The following FOSL2 variants were observed in gnomAD, a reference collection of about 807,000 sequenced individuals.
The protein encoded by FOSL2 is fos-related antigen 2.
Under a neutral mutation model 27.7 loss-of-function variants are expected in FOSL2, and 3 were observed. The ratio of observed to expected loss-of-function variants is 0.11; its 90% confidence interval spans 0.05 to 0.28. The LOEUF is 0.28. FOSL2 is among the 10% of genes least tolerant of loss of function. The pLI, the probability that FOSL2 is intolerant of heterozygous loss-of-function variation, is 1.00. For missense variants in FOSL2, 333 were observed against 445.1 expected (o/e 0.75, Z 2.27); for synonymous variants, 179 against 190.1 (o/e 0.94, Z 0.48).
At position 28,404,287 on chromosome 2, in the gene FOSL2, A is replaced by C. The variant is rs1297111753; in HGVS notation, c.283A>C (p.Met95Leu). ...GGGCCTGGCCTCTGTCCCTGGACAC[A>C]TGGCCCTCCCAAGACCTGGCGTGAT... ...LPGLASVPGH[M>L]ALPRPGVIKT... is the part of the protein sequence containing the mutation. Residue 95 changes from methionine (M) to leucine (L), a missense_variant, in exon 2 of 4, where the codon ATG (methionine) becomes CTG (leucine). This residue lies in a region of FOSL2 where 131 missense variants were observed against 157.9 expected (regional missense o/e 0.83). Coordinates refer to ENST00000264716, the MANE Select transcript of FOSL2 (RefSeq NM_005253.4). The surrounding 1 kb of genome is among the most constrained non-coding windows in gnomAD (Gnocchi z 4.7). The C allele has an allele frequency of 6.2e-7, 1 of 1,614,130 alleles. No individual in the cohort carries two copies. The highest frequency in any genetic ancestry group is 2.2e-5 in the East Asian group (1 of 44,874).
chr2:28,403,191 G>A (rs1269984229), intron 1 of FOSL2, among the ~76,000 whole-genome samples: 1 of 152,076 alleles, frequency 6.6e-6, no homozygotes, highest in Admixed American at 6.5e-5. Flanking sequence ...CTTGGAGAAA[G>A]GTCAGGACCA....
chr2:28,395,070 G>A (rs1203351701), intron 1 of FOSL2, among the ~76,000 whole-genome samples: 2 of 152,142 alleles, frequency 1.3e-5, no homozygotes, highest in African/African-American at 4.8e-5. Context: ...TCTTCCCTCT[G>A]CCTCCCATGG....
intron 1 of FOSL2, among the ~76,000 whole-genome samples, chr2:28,396,524 G>A (rs1663840412): frequency 1.3e-5 from 2 of 151,768 alleles, no homozygotes; most frequent in African/African-American, 4.8e-5. Flanking sequence ...TATATGCCCT[G>A]CCTGGCTGCT....
chr2:28,409,094 A>G (rs901390470), intron 3 of FOSL2, among the ~76,000 whole-genome samples: 1 of 152,242 alleles, frequency 6.6e-6, no homozygotes, highest in Admixed American at 6.5e-5. Context: ...CCCAGAGGGA[A>G]GAAATGAACA....
chr2:28,396,340 C>G (rs1558564310), intron 1 of FOSL2, among the ~76,000 whole-genome samples: 1 of 152,104 alleles, frequency 6.6e-6, no homozygotes, highest in Non-Finnish European at 1.5e-5. Flanking sequence ...TTATATATGG[C>G]AGGAACTTGA....
rs2148103734 is a variant in FOSL2 at position 28,413,898 on chromosome 2, C to T, written c.*1450C>T. 1 of 398,588 alleles carries T rather than the reference C, an allele frequency of 2.5e-6. No individual in the cohort carries two copies. The highest frequency in any genetic ancestry group is 2.1e-5 in the African/African-American group (1 of 48,758). The allele number at this position is 398,588 out of a possible 1,614,324, so 24.7% of individuals were successfully genotyped here. A position where few individuals can be genotyped will look rare whatever the true frequency, so the allele number is the denominator to read the frequency against. ...ATTGGAGATAGGATGTTTTGCTTCC[C>T]ACTGCAGGAGAGCTGCCCCCTTTCA... On this transcript the variant is annotated 3_prime_UTR_variant, in exon 4 of 4. Transcript: ENST00000264716.
At chr2:28,405,927 G>A (rs949217043) in intron 2 of FOSL2, among the ~76,000 whole-genome samples, 6 of 152,092 alleles carry the variant, frequency 3.9e-5, no homozygotes, top group African/African-American at 1.4e-4. Context: ...TATACTCACT[G>A]ATGAGCTGGA....
Position 28,393,015 on chromosome 2 carries a change from G to A in FOSL2, c.-706G>A, listed in dbSNP as rs2148072439. The A allele has an allele frequency of 1.6e-6, 1 of 620,794 alleles. No homozygotes were observed. The highest frequency in any genetic ancestry group is 1.8e-5 in the African/African-American group (1 of 54,286). The allele number at this position is 620,794 out of a possible 1,614,324, so 38.5% of individuals were successfully genotyped here. A position where few individuals can be genotyped will look rare whatever the true frequency, so the allele number is the denominator to read the frequency against. On this transcript the variant is annotated 5_prime_UTR_variant, in exon 1 of 4. Coordinates refer to ENST00000264716, the MANE Select transcript of FOSL2 (RefSeq NM_005253.4). The surrounding 1 kb of genome is among the most constrained non-coding windows in gnomAD (Gnocchi z 4.6). ...GGGCCCGTCCGGGAGCGGGCTCCGGGGAAGGGGTGCGGGTCTGGGCGCCGG... is the reference window on the plus strand; with the variant it reads ...GGGCCCGTCCGGGAGCGGGCTCCGGAGAAGGGGTGCGGGTCTGGGCGCCGG...
At position 28,393,421 on chromosome 2, in the gene FOSL2, G is replaced by A; in HGVS notation, c.-300G>A. The A allele has an allele frequency of 2.9e-6, 1 of 347,678 alleles. No homozygotes were observed. Among genetic ancestry groups the A allele is most frequent in the Non-Finnish European group, 5.2e-6 (1 of 190,782 alleles). The allele number at this position is 347,678 out of a possible 1,614,324, so 21.5% of individuals were successfully genotyped here. A position where few individuals can be genotyped will look rare whatever the true frequency, so the allele number is the denominator to read the frequency against. ...TGCGCGCGGGGGCGGGAGGGCGCGC[G>A]CAGGGGAGGGACCGAGAGACGCGCC... is the stretch of plus-strand genomic sequence containing the variant. On this transcript the variant is annotated 5_prime_UTR_variant, in exon 1 of 4. Transcript: ENST00000264716. This position sits in a 1 kb window ranked among gnomAD's most constrained non-coding sequence, Gnocchi z 4.6.
intron 1 of FOSL2, chr2:28,396,815 C>CACACACACACAA (rs1204268837): frequency 7.9e-5 from 12 of 151,744 alleles, no homozygotes; most frequent in African/African-American, 2.4e-4. Context: ...CACACACACA[C>CACACACACACAA]ACACACACAC....
Position 28,408,289 on chromosome 2 carries a change from T to A in FOSL2, c.355-470T>A, listed in dbSNP as rs1362379327. ...GCCCAGCTACTTAACAAAATGGGGATAATGAGGCTTGCAGAGCAGGCAGAG... is the reference window on the plus strand; with the variant it reads ...GCCCAGCTACTTAACAAAATGGGGAAAATGAGGCTTGCAGAGCAGGCAGAG... On this transcript the variant is annotated intron_variant, in intron 2 of 3. Transcript: ENST00000264716. This position sits in a 1 kb window ranked among gnomAD's most constrained non-coding sequence, Gnocchi z 4.1. Among the ~76,000 whole-genome samples the A allele has an allele frequency of 1.3e-5, 2 of 152,164 alleles. No individual in the cohort carries two copies. Among genetic ancestry groups the A allele is most frequent in the Non-Finnish European group, 1.5e-5 (1 of 68,038 alleles).
At chr2:28,403,997 A>G in intron 1 of FOSL2, 110 bp from the exon 2 acceptor site, 1 of 1,342,684 alleles carries the variant, frequency 7.4e-7, no homozygotes, top group Non-Finnish European at 1.0e-6. Context: ...CCCTTCGAAC[A>G]CTGACTGTGC....
Position 28,416,610 on chromosome 2 carries a change from A to C in FOSL2, c.*4162A>C, listed in dbSNP as rs968927868. ...GGACAGTGGTCGCCAAGACATCTAC[A>C]TTGTAAGAGAACACAGTGGAAGATC... On this transcript the variant is annotated 3_prime_UTR_variant, in exon 4 of 4. Coordinates refer to ENST00000264716, the MANE Select transcript of FOSL2 (RefSeq NM_005253.4). 1 of 152,090 alleles carries C rather than the reference A, an allele frequency of 6.6e-6. No homozygotes were observed. Among genetic ancestry groups the C allele is most frequent in the Admixed American group, 6.5e-5 (1 of 15,274 alleles). 9.4% of individuals were successfully genotyped at this position (152,090 alleles called of 1,614,324 possible).
Position 28,393,736 on chromosome 2 carries a change from C to G in FOSL2, c.16C>G (p.Pro6Ala). The stretch of plus-strand genomic sequence containing the variant: ...ACCGCGGATCATGTACCAGGATTAT[C>G]CCGGGAACTTTGACACCTCGTCCCG... MYQDY[P>A]GNFDTSSRGS... The change falls in exon 1 of 4, where the codon CCC becomes GCC. Residue 6 changes from proline to alanine, a missense_variant. This residue lies in a region of FOSL2 where 131 missense variants were observed against 157.9 expected (regional missense o/e 0.83). Transcript: ENST00000264716. This position sits in a 1 kb window ranked among gnomAD's most constrained non-coding sequence, Gnocchi z 4.6. The G allele has an allele frequency of 6.2e-7, 1 of 1,610,074 alleles. No homozygotes were observed. Among genetic ancestry groups the G allele is most frequent in the East Asian group, 2.2e-5 (1 of 44,626 alleles).
chr2:28,404,443 G>T lies in FOSL2; in HGVS notation c.354+85G>T. 1 of 1,496,756 alleles carries T rather than the reference G, an allele frequency of 6.7e-7. No individual in the cohort carries two copies. Among genetic ancestry groups the T allele is most frequent in the South Asian group, 1.3e-5 (1 of 77,776 alleles). 92.7% of individuals were successfully genotyped at this position (1,496,756 alleles called of 1,614,324 possible). ...AGAACGGGTTTCTGCAGACTGGGAGGGTTAATGTTCTGAGAGCAGGGGAGA... is the reference window on the plus strand; with the variant it reads ...AGAACGGGTTTCTGCAGACTGGGAGTGTTAATGTTCTGAGAGCAGGGGAGA... On this transcript the variant is annotated intron_variant, in intron 2 of 3. Transcript: ENST00000264716. The surrounding 1 kb of genome is among the most constrained non-coding windows in gnomAD (Gnocchi z 4.7).
chr2:28,412,078 C>G lies in FOSL2; in HGVS notation c.611C>G (p.Pro204Arg). 2.5e-6 allele frequency: 4 copies of G among 1,606,580 alleles called. No individual in the cohort carries two copies. The highest frequency in any genetic ancestry group is 2.5e-6 in the Non-Finnish European group (3 of 1,179,838). ...GAGGAGCGCCGATCGCCCCCAGCCC[C>G]TGGGCTGCAGCCCATGCGCAGTGGG... The part of the protein sequence containing the change: ...SPEERRSPPA[P>R]GLQPMRSGGG... Residue 204 changes from proline (P) to arginine (R), a missense_variant, in exon 4 of 4, where the codon CCT becomes CGT. Pro to Arg is a moderately radical substitution (Grantham distance 103). Around this residue, in one of 4 missense-constraint regions of FOSL2, gnomAD observed 136 missense variants for 123.7 expected, o/e 1.10. Coordinates refer to ENST00000264716, the MANE Select transcript of FOSL2 (RefSeq NM_005253.4). The surrounding 1 kb of genome is among the most constrained non-coding windows in gnomAD (Gnocchi z 7.1).
chr2:28,393,593 C>A lies in FOSL2; in HGVS notation c.-128C>A. 4 of 663,476 alleles carry A rather than the reference C, an allele frequency of 6.0e-6. No homozygotes were observed. The highest frequency in any genetic ancestry group is 1.0e-5 in the Non-Finnish European group (4 of 388,736). 41.1% of individuals were successfully genotyped at this position (663,476 alleles called of 1,614,324 possible). A position where few individuals can be genotyped will look rare whatever the true frequency, so the allele number is the denominator to read the frequency against. On this transcript the variant is annotated 5_prime_UTR_variant, in exon 1 of 4. Transcript: ENST00000264716. This position sits in a 1 kb window ranked among gnomAD's most constrained non-coding sequence, Gnocchi z 4.6. ...TCGCCCTCCGCGGTGGGGGAGAAAC[C>A]CAGGAGCGAAGCCCAGAGCCCGCGG... is the stretch of plus-strand genomic sequence containing the variant.
rs1296826695 is a variant in FOSL2 at position 28,393,163 on chromosome 2, C to G, written c.-558C>G. The G allele has an allele frequency of 1.1e-5, 3 of 277,270 alleles. No individual in the cohort carries two copies. The highest frequency in any genetic ancestry group is 7.2e-5 in the East Asian group (1 of 13,808). The allele number at this position is 277,270 out of a possible 1,614,324, so 17.2% of individuals were successfully genotyped here. ...CGCCGCCTTCTCCTAGTCAAGTATC[C>G]GAGCCGCCCCGAAACTCGGGCGGCG... On this transcript the variant is annotated 5_prime_UTR_variant, in exon 1 of 4. Coordinates refer to ENST00000264716, the MANE Select transcript of FOSL2 (RefSeq NM_005253.4). This position sits in a 1 kb window ranked among gnomAD's most constrained non-coding sequence, Gnocchi z 4.6.
Position 28,408,677 on chromosome 2 carries a change from G to A in FOSL2, c.355-82G>A. On this transcript the variant is annotated intron_variant, in intron 2 of 3. Transcript: ENST00000264716. This position sits in a 1 kb window ranked among gnomAD's most constrained non-coding sequence, Gnocchi z 4.1. ...TTCTCCATTTCCAGAAGGGCTTCTT[G>A]CCTTACTTAAAATACAGTTTTTAAA... 1.0e-6 allele frequency: 1 copy of A among 998,088 alleles called. No homozygotes were observed. The highest frequency in any genetic ancestry group is 1.4e-6 in the Non-Finnish European group (1 of 695,964). The allele number at this position is 998,088 out of a possible 1,614,324, so 61.8% of individuals were successfully genotyped here. A position where few individuals can be genotyped will look rare whatever the true frequency, so the allele number is the denominator to read the frequency against.
Sources: gnomAD v4.1 joint callset for allele counts (sites outside exome capture counted in the v4.1 genomes callset) on GRCh38, gnomAD v4.1.1 for gene constraint, gnomAD v4.1.1 regional missense constraint, Gnocchi (gnomAD v3.1) non-coding constraint, MANE v1.5 for transcripts, NCBI Gene and HGNC (gene_info 2026-07-23, HGNC 2026-07-21) for gene names.